Variants in MTMR7 observed in about 807,000 individuals in gnomAD.
MTMR7 encodes the protein myotubularin related protein 7.
A neutral mutation model predicts 81.2 loss-of-function variants in MTMR7; 76 were observed. The ratio of observed to expected loss-of-function variants is 0.94; its 90% CI spans 0.78 to 1.13. MTMR7 has a LOEUF of 1.13. Ranked by LOEUF, MTMR7 falls within the 50% of genes most tolerant of loss-of-function variation. MTMR7 has a pLI of 0.00. For missense variants in MTMR7, 1,044 were observed against 820.0 expected (o/e 1.27, Z -3.34); for synonymous variants, 372 against 289.8 (o/e 1.28, Z -2.88).
At chr8:17,303,722 G>A (rs182683114) in intron 12 of MTMR7, among the ~76,000 whole-genome samples, 143 of 151,530 alleles carry the variant, frequency 9.4e-4, no homozygotes, top group Admixed American at 2.8e-3. Flanking sequence ...TGATTCTCCT[G>A]TCTCAGCCTC....
At chr8:17,335,835 G>A (rs536363213) in intron 6 of MTMR7, among the ~76,000 whole-genome samples, 5 of 152,206 alleles carry the variant, frequency 3.3e-5, no homozygotes, top group South Asian at 2.1e-4. Flanking sequence ...ATCTCCATCC[G>A]GCCTAACTTA....
intron 7 of MTMR7, among the ~76,000 whole-genome samples, chr8:17,326,165 G>GA (rs999546269): frequency 4.6e-5 from 7 of 152,168 alleles, no homozygotes; most frequent in African/African-American, 1.7e-4. Flanking sequence ...TCGAGAGGCA[G>GA]AAAAGCCTGG....
At chr8:17,354,755 AG>A (rs1819834751) in intron 4 of MTMR7, among the ~76,000 whole-genome samples, 1 of 152,224 alleles carries the variant, frequency 6.6e-6, no homozygotes, top group South Asian at 2.1e-4. Flanking sequence ...TGGGGTCAAA[AG>A]CAAAAGGAAT....
At chr8:17,301,353 G>A (rs1441790708) in intron 13 of MTMR7, among the ~76,000 whole-genome samples, 1 of 152,188 alleles carries the variant, frequency 6.6e-6, no homozygotes, top group Non-Finnish European at 1.5e-5. Flanking sequence ...CATTTTAACA[G>A]GACTGTGAAA....
chr8:17,317,443 T>C (rs963633654), intron 7 of MTMR7, among the ~76,000 whole-genome samples: 5 of 152,204 alleles, frequency 3.3e-5, no homozygotes, highest in Admixed American at 6.5e-5. Context: ...ATGGGTCTCA[T>C]TCTTCCATAC....
chr8:17,309,424 A>C, intron 9 of MTMR7, 98 bp from the exon 10 acceptor site: 3 of 832,740 alleles, frequency 3.6e-6, no homozygotes, highest in Non-Finnish European at 6.1e-6. Context: ...CACTTGCAGA[A>C]GTCCCCATCC....
chr8:17,382,069 A>C (rs991349874), intron 1 of MTMR7, among the ~76,000 whole-genome samples: 3 of 152,366 alleles, frequency 2.0e-5, no homozygotes, highest in Non-Finnish European at 2.9e-5. Flanking sequence ...GTGAAAATGC[A>C]TACAATAATG....
At chr8:17,370,177 T>C (rs1820372499) in intron 3 of MTMR7, among the ~76,000 whole-genome samples, 1 of 151,578 alleles carries the variant, frequency 6.6e-6, no homozygotes, top group Admixed American at 6.6e-5. Flanking sequence ...CCCTGAATAG[T>C]CACTGATGCT....
At chr8:17,405,487 G>T (rs1355310717) in intron 1 of MTMR7, among the ~76,000 whole-genome samples, 1 of 152,166 alleles carries the variant, frequency 6.6e-6, no homozygotes, top group Non-Finnish European at 1.5e-5. Context: ...GAGACTCAGA[G>T]TTTAAGAAAT....
chr8:17,321,245 G>T (rs529456874), intron 7 of MTMR7, among the ~76,000 whole-genome samples: 1 of 152,342 alleles, frequency 6.6e-6, no homozygotes, highest in East Asian at 1.9e-4. Context: ...TGTGCCAAAA[G>T]CAAGAGAGGA....
At position 17,296,848 on chromosome 8, in the gene MTMR7, T is replaced by C. The variant is rs1281836135; in HGVS notation, c.*3014A>G. ...AAGTTGAACTATCCCAGTTTCATTC[T>C]ATACCATTCATTGGATAACCTTGTT... is the stretch of plus-strand genomic sequence containing the variant. On this transcript the variant is annotated 3_prime_UTR_variant, in exon 14 of 14. Transcript: ENST00000180173. 6.6e-6 allele frequency: 1 copy of C among 152,232 alleles called. No homozygotes were observed. The highest frequency in any genetic ancestry group is 1.9e-4 in the East Asian group (1 of 5,196). 9.4% of individuals were successfully genotyped at this position (152,232 alleles called of 1,614,324 possible). A position where few individuals can be genotyped will look rare whatever the true frequency, so the allele number is the denominator to read the frequency against.
At chr8:17,371,232 C>A in intron 2 of MTMR7, 33 bp from the exon 3 acceptor site, 1 of 1,603,172 alleles carries the variant, frequency 6.2e-7, no homozygotes, top group Non-Finnish European at 8.5e-7. Context: ...ATAAGCTAAG[C>A]ACAAATAACT....
At chr8:17,333,479 G>A (rs951168456) in intron 6 of MTMR7, among the ~76,000 whole-genome samples, 12 of 152,096 alleles carry the variant, frequency 7.9e-5, no homozygotes, top group Non-Finnish European at 1.5e-4. Flanking sequence ...TGAACCTTAC[G>A]TTTATGCTGT....
At chr8:17,362,249 G>C (rs1463256113) in intron 3 of MTMR7, among the ~76,000 whole-genome samples, 1 of 152,014 alleles carries the variant, frequency 6.6e-6, no homozygotes, top group African/African-American at 2.4e-5. Flanking sequence ...ACTAATATTT[G>C]ATACATTTTG....
intron 7 of MTMR7, among the ~76,000 whole-genome samples, chr8:17,329,372 C>T (rs1488402756): frequency 6.6e-6 from 1 of 152,194 alleles, no homozygotes; most frequent in Admixed American, 6.5e-5. Flanking sequence ...CTGCACTGCA[C>T]GTAGCTGGAA....
At chr8:17,363,732 G>A (rs534130585) in intron 3 of MTMR7, among the ~76,000 whole-genome samples, 1 of 152,006 alleles carries the variant, frequency 6.6e-6, no homozygotes, top group African/African-American at 2.4e-5. Flanking sequence ...TTACCCACAG[G>A]CAAGCCCAGA....
chr8:17,373,263 AAG>A (rs1367060161), intron 1 of MTMR7, 23 bp from the exon 2 acceptor site: 1 of 1,605,586 alleles, frequency 6.2e-7, no homozygotes, highest in South Asian at 1.1e-5. Context: ...GCATGATGAA[AAG>A]AGTTACCGTA....
chr8:17,377,761 C>T (rs969137188), intron 1 of MTMR7, among the ~76,000 whole-genome samples: 5 of 152,032 alleles, frequency 3.3e-5, no homozygotes, highest in Admixed American at 2.6e-4. Flanking sequence ...TATAATTGCA[C>T]TTTTTATTTC....
rs536872876 is a variant in MTMR7, at chr8:17,364,641, T to G, written c.311-3367A>C. Reference sequence around the variant, plus strand: ...TCTGCTTCTATGAGTTTAACTGTCATAGATCCCACATGTAAGTGAGAACAT... The same window carrying G: ...TCTGCTTCTATGAGTTTAACTGTCAGAGATCCCACATGTAAGTGAGAACAT... On this transcript the variant is annotated intron_variant, in intron 3 of 13. Coordinates refer to ENST00000180173, the MANE Select transcript of MTMR7 (RefSeq NM_004686.5). Among the ~76,000 whole-genome samples the G allele has an allele frequency of 1.2e-4, 19 of 152,330 alleles. No individual in the cohort carries two copies. The Middle Eastern group carries it at 0.01, about 82-fold the overall frequency.
Sources: gnomAD v4.1 joint callset for allele counts (sites outside exome capture counted in the v4.1 genomes callset) on GRCh38, gnomAD v4.1.1 for gene constraint, MANE v1.5 for transcripts, NCBI Gene and HGNC (gene_info 2026-07-23, HGNC 2026-07-21) for gene names.